Variants in GGA3 observed in about 807,000 individuals in gnomAD.
GGA3 encodes golgi associated, gamma adaptin ear containing, ARF binding protein 3, also known as ADP-ribosylation factor-binding protein GGA3.
In GGA3, 57 loss-of-function variants were observed where a neutral mutation model predicts 77.5. That is an observed-to-expected ratio of 0.74 (90% confidence interval 0.59 to 0.92). GGA3 has a LOEUF of 0.92. GGA3 is among the 40% of genes least tolerant of loss of function. The probability of loss-of-function intolerance (pLI) is 0.00; values close to 1 mark genes in which losing one functional copy is unlikely to be tolerated. For missense variants in GGA3, 970 were observed against 914.9 expected, an observed-to-expected ratio of 1.06 and a Z score of -0.78; for synonymous variants, 416 against 383.7, an observed-to-expected ratio of 1.08 and a Z score of -0.98.
In GGA3 at chr17:75,261,565, C is replaced by T. The variant is rs374161024; in HGVS notation, c.23G>A (p.Ser8Asn). The T allele has an allele frequency of 4.3e-5, 67 of 1,554,938 alleles. No individual in the cohort carries two copies. Among genetic ancestry groups the T allele is most frequent in the East Asian group, 1.6e-4 (7 of 42,606 alleles). The change falls in exon 1 of 17, where the codon AGC becomes AAC. Residue 8 changes from serine (S) to asparagine (N), a missense_variant. Transcript: ENST00000537686. MAEAEGESLESWLNKATN... is the reference protein window; with the variant it reads MAEAEGENLESWLNKATN... Reference sequence around the variant, plus strand: ...CTACTCACTGAGCCAGGACTCCAGGCTTTCCCCTTCCGCCTCCGCCATATT... The same window carrying T: ...CTACTCACTGAGCCAGGACTCCAGGTTTTCCCCTTCCGCCTCCGCCATATT...
chr17:75,255,114 A>C (rs959816597), intron 1 of GGA3, among the ~76,000 whole-genome samples: 44 of 152,260 alleles, frequency 2.9e-4, no homozygotes, highest in African/African-American at 1.0e-3. Context: ...TAACTCTCAC[A>C]GTGGAGAGTA....
chr17:75,240,025 G>A lies in GGA3; in HGVS notation c.1347C>T (p.Pro449=). The change falls in exon 13 of 17, where the codon CCC becomes CCT. Residue 449 remains proline (P), a synonymous_variant. Coordinates refer to ENST00000537686, the MANE Select transcript of GGA3 (RefSeq NM_138619.4). The part of the protein sequence containing the change: ...CGASDAPLLQ[P]SAPSSSSSQA... ...GGGAGCTGCTTGAGGAGGGGGCTGA[G>A]GGCTGGAGCAGAGGAGCATCGGAGG... 6.4e-7 allele frequency: 1 copy of A among 1,552,256 alleles called. No homozygotes were observed. The highest frequency in any genetic ancestry group is 8.7e-7 in the Non-Finnish European group (1 of 1,148,470).
chr17:75,247,253 G>A (rs4789158), intron 1 of GGA3, among the ~76,000 whole-genome samples: 129,419 of 151,738 alleles, frequency 0.85, 55,298 homozygotes, highest in East Asian at 0.94. Context: ...ATACATATTT[G>A]TAACCACAAA....
At chr17:75,238,523 C>G (rs777282697) in intron 16 of GGA3, 129 bp downstream of exon 16, 8 of 973,974 alleles carry the variant, frequency 8.2e-6, no homozygotes, top group Non-Finnish European at 1.3e-5. Flanking sequence ...AGACACTTAA[C>G]CTAAGGCAGC....
chr17:75,254,959 C>A lies in GGA3; in HGVS notation c.40+6589G>T, dbSNP rs563055042. On this transcript the variant is annotated intron_variant, in intron 1 of 16. Coordinates refer to ENST00000537686, the MANE Select transcript of GGA3 (RefSeq NM_138619.4). ...ACTGAAAATTGGACTGTTCAACTCA[C>A]CTGACAGCCACTCCCAGAGCCCCTG... 2.0e-5 allele frequency among the ~76,000 whole-genome samples: 3 copies of A among 152,302 alleles called. No individual in the cohort carries two copies. In the East Asian group the frequency reaches 5.8e-4, roughly 29 times the overall value.
In GGA3 at chr17:75,261,557, A is replaced by G. The variant is rs1277666384; in HGVS notation, c.31T>C (p.Ser11Pro). 1 of 1,549,930 alleles carries G rather than the reference A, an allele frequency of 6.5e-7. No homozygotes were observed. Among genetic ancestry groups the G allele is most frequent in the South Asian group, 1.2e-5 (1 of 83,300 alleles). Residue 11 changes from serine to proline, a missense_variant, in exon 1 of 17, where the codon TCC becomes CCC. Transcript: ENST00000537686. MAEAEGESLE[S>P]WLNKATNPSN... ...GGCCGCGGCTACTCACTGAGCCAGG[A>G]CTCCAGGCTTTCCCCTTCCGCCTCC...
intron 3 of GGA3, 72 bp from the exon 4 acceptor site, chr17:75,244,789 C>T: frequency 1.0e-6 from 1 of 964,736 alleles, no homozygotes; most frequent in Non-Finnish European, 1.7e-6. Context: ...GGCAAGATCC[C>T]TGGCACCCAG....
At position 75,238,062 on chromosome 17, in the gene GGA3, C is replaced by T. The variant is rs749469952; in HGVS notation, c.*217G>A. 3 of 1,371,782 alleles carry T rather than the reference C, an allele frequency of 2.2e-6. No homozygotes were observed. The East Asian group carries it at 8.3e-5, about 38-fold the overall frequency. 85.0% of individuals were successfully genotyped at this position (1,371,782 alleles called of 1,614,324 possible). A position where few individuals can be genotyped will look rare whatever the true frequency, so the allele number is the denominator to read the frequency against. ...CACCCCTGACAGCATATGGCCACTT[C>T]AAGTCACACAGGTAGATAAAAACAG... On this transcript the variant is annotated 3_prime_UTR_variant, in exon 17 of 17. Transcript: ENST00000537686.
chr17:75,240,710 C>G (rs1248208122), intron 11 of GGA3, 102 bp downstream of exon 11: 11 of 1,319,120 alleles, frequency 8.3e-6, no homozygotes, highest in Non-Finnish European at 1.0e-5. Context: ...TTTGCCCACC[C>G]CAACAGTCAC....
chr17:75,243,080 C>A lies in GGA3; in HGVS notation c.511G>T (p.Asp171Tyr). ...TCCTTTACCTTGGACTTCTCCTCAT[C>A]ATCAAAAACAGGGTTTTTGGGACGA... ...PPRPKNPVFD[D>Y]EEKSKLLAKL... Residue 171 changes from aspartate to tyrosine, a missense_variant, in exon 6 of 17, where the codon GAT becomes TAT. By Grantham distance (160) the Asp-to-Tyr change is radical (BLOSUM62 -3). Coordinates refer to ENST00000537686, the MANE Select transcript of GGA3 (RefSeq NM_138619.4). 1.9e-6 allele frequency: 3 copies of A among 1,612,392 alleles called. No individual in the cohort carries two copies. The highest frequency in any genetic ancestry group is 1.1e-5 in the South Asian group (1 of 90,916).
At chr17:75,261,713 C>T (rs1188739885), upstream of GGA3, 9 of 1,152,910 alleles carry the variant, frequency 7.8e-6, no homozygotes, top group Non-Finnish European at 1.1e-5. Context: ...CAGACTGCGA[C>T]GGATACAGGG....
chr17:75,246,791 C>A lies in GGA3; in HGVS notation c.46G>T (p.Ala16Ser). The A allele has an allele frequency of 6.2e-7, 1 of 1,611,182 alleles. No homozygotes were observed. Among genetic ancestry groups the A allele is most frequent in the Non-Finnish European group, 8.5e-7 (1 of 1,179,310 alleles). ...TCCTGGCGGTTGGAAGGATTGGTGGCTTTATCTTGCAACACAACAAAGAAG... is the reference window on the plus strand; with the variant it reads ...TCCTGGCGGTTGGAAGGATTGGTGGATTTATCTTGCAACACAACAAAGAAG... Reference protein sequence around the residue: ...GESLESWLNKATNPSNRQEDW... With the variant: ...GESLESWLNKSTNPSNRQEDW... The change falls in exon 2 of 17, where the codon GCC (alanine) becomes TCC (serine). Residue 16 changes from alanine to serine, a missense_variant. Physicochemically the swap from Ala to Ser is moderately conservative, Grantham distance 99 (BLOSUM62 1). Transcript: ENST00000537686.
chr17:75,237,845 G>T lies in GGA3; in HGVS notation c.*434C>A, dbSNP rs748250253. 12 of 1,417,544 alleles carry T rather than the reference G, an allele frequency of 8.5e-6. No individual in the cohort carries two copies. Among genetic ancestry groups the T allele is most frequent in the Middle Eastern group, 5.2e-4 (2 of 3,826 alleles). The allele number at this position is 1,417,544 out of a possible 1,614,324, so 87.8% of individuals were successfully genotyped here. ...ATTGCAACAGGGCTGCAGCCCCTTG[G>T]GCCGTGCATCTGTCAGGTGTGAGGA... On this transcript the variant is annotated 3_prime_UTR_variant, in exon 17 of 17. Transcript: ENST00000537686.
In GGA3 at chr17:75,244,686, C is replaced by T. The variant is rs2076693600; in HGVS notation, c.233G>A (p.Arg78Lys). 6.2e-7 allele frequency: 1 copy of T among 1,613,800 alleles called. No homozygotes were observed. The highest frequency in any genetic ancestry group is 8.5e-7 in the Non-Finnish European group (1 of 1,179,782). Residue 78 changes from arginine (R) to lysine (K), a missense_variant, in exon 4 of 17, where the codon AGG (arginine) becomes AAG (lysine). Physicochemically the swap from Arg to Lys is conservative, Grantham distance 26. Coordinates refer to ENST00000537686, the MANE Select transcript of GGA3 (RefSeq NM_138619.4). ...CTTCCCCACTTCGTTATGAAATCTC[C>T]TCCCACAGTTCTTCATGCATGCCTC... is the stretch of plus-strand genomic sequence containing the variant. The part of the protein sequence containing the change: ...VLEACMKNCG[R>K]RFHNEVGKFR...
At chr17:75,243,599 G>A (rs1287955352) in intron 4 of GGA3, 29 bp from the exon 5 acceptor site, 2 of 1,611,554 alleles carry the variant, frequency 1.2e-6, no homozygotes, top group Non-Finnish European at 1.7e-6. Context: ...TGAGGACCTA[G>A]TAAGTGCAGT....
intron 1 of GGA3, chr17:75,248,798 A>G: frequency 1.2e-6 from 1 of 805,674 alleles, no homozygotes; most frequent in Non-Finnish European, 1.4e-6. Flanking sequence ...AAAAAAACAA[A>G]AACAAAAACA....
chr17:75,244,253 C>T (rs1420540373), intron 4 of GGA3: 3 of 224,634 alleles, frequency 1.3e-5, no homozygotes, highest in East Asian at 1.2e-4. Context: ...AGCTGAGCAT[C>T]GGAGCAATGA....
chr17:75,243,077 C>T lies in GGA3; in HGVS notation c.514G>A (p.Glu172Lys), dbSNP rs372068946. Residue 172 changes from glutamate (E) to lysine (K), a missense_variant, in exon 6 of 17, where the codon GAG becomes AAG. Transcript: ENST00000537686. ...GTGTCCTTTACCTTGGACTTCTCCT[C>T]ATCATCAAAAACAGGGTTTTTGGGA... ...PRPKNPVFDD[E>K]EKSKLLAKLL... 23 of 1,611,994 alleles carry T rather than the reference C, an allele frequency of 1.4e-5. No homozygotes were observed. Among genetic ancestry groups the T allele is most frequent in the Non-Finnish European group, 1.5e-5 (18 of 1,178,526 alleles).
chr17:75,257,514 C>T (rs1295627069), intron 1 of GGA3, among the ~76,000 whole-genome samples: 2 of 152,162 alleles, frequency 1.3e-5, no homozygotes, highest in Non-Finnish European at 2.9e-5. Flanking sequence ...TCTCCTTAGG[C>T]ACTCTCTAAT....
Sources: gnomAD v4.1 joint callset for allele counts (sites outside exome capture counted in the v4.1 genomes callset) on GRCh38, gnomAD v4.1.1 for gene constraint, MANE v1.5 for transcripts, NCBI Gene and HGNC (gene_info 2026-07-23, HGNC 2026-07-21) for gene names.